TAF1D: variants seen among roughly 807,000 people sequenced by gnomAD.
The protein encoded by TAF1D is TATA box-binding protein-associated factor RNA polymerase I subunit D.
Under a neutral mutation model 26.2 loss-of-function variants are expected in TAF1D, and 23 were observed. The observed-to-expected ratio is 0.88, with a 90% CI of 0.63 to 1.25. TAF1D has a LOEUF of 1.25. Among genes scored for constraint, TAF1D ranks in the 50% most tolerant of loss-of-function variants. TAF1D has a pLI of 0.00. For synonymous variants in TAF1D, 100 were observed against 105.6 expected, an observed-to-expected ratio of 0.95 and a Z score of 0.33; for missense variants, 299 against 322.0, an observed-to-expected ratio of 0.93 and a Z score of 0.55.
At chr11:93,735,008 C>T (rs1940397561), downstream of TAF1D, 1 of 1,225,960 alleles carries the variant, frequency 8.2e-7, no homozygotes, top group Non-Finnish European at 1.0e-6. Context: ...AAGCAATACT[C>T]CCACCTTGGT....
At chr11:93,735,041 A>G (rs1380746159), downstream of TAF1D, 4 of 1,272,104 alleles carry the variant, frequency 3.1e-6, no homozygotes, top group East Asian at 1.9e-4. Flanking sequence ...GGCTTGACCC[A>G]TTGCACCTGG....
chr11:93,733,610 G>A (rs750488686), downstream of TAF1D: 12 of 502,676 alleles, frequency 2.4e-5, no homozygotes, highest in East Asian at 2.2e-4. Flanking sequence ...CTATTTACAA[G>A]GTTTTGATTT....
rs913992945 is a variant in TAF1D at position 93,735,676 on chromosome 11, T to C, written c.*485A>G. 2.5e-5 allele frequency: 25 copies of C among 999,442 alleles called. No homozygotes were observed. Among genetic ancestry groups the C allele is most frequent in the African/African-American group, 3.5e-5 (2 of 57,184 alleles). The allele number at this position is 999,442 out of a possible 1,614,324, so 61.9% of individuals were successfully genotyped here. ...AGATCGAGACTCTGTCTAAAAAAAA[T>C]AGTATTAAAGATACTCTAAATTTGG... On this transcript the variant is annotated 3_prime_UTR_variant, in exon 6 of 6. Transcript: ENST00000448108.
Position 93,736,717 on chromosome 11 carries a change from T to C in TAF1D, c.670A>G (p.Asn224Asp), listed in dbSNP as rs748885814. Residue 224 changes from asparagine to aspartate, a missense_variant, in exon 5 of 6, where the codon AAC becomes GAC. Physicochemically the swap from Asn to Asp is conservative, Grantham distance 23. Coordinates refer to ENST00000448108, the MANE Select transcript of TAF1D (RefSeq NM_024116.4). Reference sequence around the variant, plus strand: ...ACTGCCAATTTGATATCACATTCGTTATCTTCAAGATGTGTTGCATCCTCA... The same window carrying C: ...ACTGCCAATTTGATATCACATTCGTCATCTTCAAGATGTGTTGCATCCTCA... The part of the protein sequence containing the change: ...EDEDATHLED[N>D]ECDIKLAGDS... 6.2e-7 allele frequency: 1 copy of C among 1,611,632 alleles called. No homozygotes were observed. Among genetic ancestry groups the C allele is most frequent in the South Asian group, 1.1e-5 (1 of 90,380 alleles).
At chr11:93,739,031 G>A (rs569712642) in intron 2 of TAF1D, 8 of 544,718 alleles carry the variant, frequency 1.5e-5, no homozygotes, top group East Asian at 1.2e-4. Flanking sequence ...TTTTCTCGAC[G>A]AATGTGTCCC....
intron 1 of TAF1D, among the ~76,000 whole-genome samples, chr11:93,740,543 G>T (rs1223180950): frequency 7.0e-6 from 1 of 143,600 alleles, no homozygotes; most frequent in African/African-American, 2.6e-5. Context: ...GTCTCATTCT[G>T]TAGCTTCTTG....
intron 4 of TAF1D, 145 bp from the exon 5 acceptor site, chr11:93,736,896 G>A (rs1940915831): frequency 9.0e-7 from 1 of 1,110,866 alleles, no homozygotes; most frequent in South Asian, 1.7e-5. Context: ...GAGAATTCTA[G>A]ATGAACGGTG....
downstream of TAF1D, chr11:93,734,058 G>A (rs1328722836): frequency 6.6e-6 from 1 of 152,458 alleles, no homozygotes; most frequent in Non-Finnish European, 1.5e-5. Context: ...TAAGATTTAA[G>A]TTTAAAGTCT....
chr11:93,732,346 AGAAACCTAC>A (rs771007709), downstream of TAF1D: 231 of 518,174 alleles, frequency 4.5e-4, 2 homozygotes, highest in South Asian at 3.2e-3. Flanking sequence ...GAACACTCTG[AGAAACCTAC>A]ACAAATACTG....
chr11:93,740,793 A>C (rs184824496), intron 1 of TAF1D, among the ~76,000 whole-genome samples: 214 of 152,342 alleles, frequency 1.4e-3, no homozygotes, highest in Non-Finnish European at 2.5e-3. Flanking sequence ...ACCTGTAGTT[A>C]ATTTTTTTTA....
intron 3 of TAF1D, 119 bp from the exon 4 acceptor site, chr11:93,737,358 T>C: frequency 3.3e-6 from 2 of 607,006 alleles, no homozygotes; most frequent in East Asian, 5.8e-5. Context: ...CTATCTTAAC[T>C]ACTCCCCACT....
chr11:93,731,395 T>G (rs1388746871), downstream of TAF1D: 10 of 456,564 alleles, frequency 2.2e-5, no homozygotes, highest in Non-Finnish European at 3.1e-5. Flanking sequence ...AAATCAATGA[T>G]CCCATGCCCA....
rs370053920 is a variant in TAF1D at position 93,741,379 on chromosome 11, G to T, written c.-85C>A. ...ACTTGCTGCTTGTAACCCAGGCCTC[G>T]GCCCAAAACCCGCGACTGGCCTGGT... On this transcript the variant is annotated 5_prime_UTR_variant, in exon 1 of 6. Coordinates refer to ENST00000448108, the MANE Select transcript of TAF1D (RefSeq NM_024116.4). 8 of 431,894 alleles carry T rather than the reference G, an allele frequency of 1.9e-5. No individual in the cohort carries two copies. The highest frequency in any genetic ancestry group is 3.7e-5 in the Non-Finnish European group (8 of 218,510). 26.8% of individuals were successfully genotyped at this position (431,894 alleles called of 1,614,324 possible).
chr11:93,731,627 T>C, downstream of TAF1D: 1 of 508,456 alleles, frequency 2.0e-6, no homozygotes, highest in Non-Finnish European at 3.9e-6. Context: ...TTTTTTTTAC[T>C]CCTAAGTGGT....
Position 93,738,101 on chromosome 11 carries a change from T to C in TAF1D, c.459+8A>G. ...ATGTGTAGCCATGTATGTAAAATGC[T>C]GACTCACCTCAAACGTTAAAATTTT... On this transcript the variant is annotated splice_region_variant and intron_variant, in intron 3 of 5. Transcript: ENST00000448108. 6.5e-7 allele frequency: 1 copy of C among 1,541,710 alleles called. No homozygotes were observed.
At chr11:93,732,256 G>A (rs1251316458), downstream of TAF1D, 1 of 479,940 alleles carries the variant, frequency 2.1e-6, no homozygotes, top group African/African-American at 2.0e-5. Flanking sequence ...TTTTACTGTA[G>A]GTGGTGGGGA....
downstream of TAF1D, chr11:93,735,491 T>G: frequency 2.5e-6 from 1 of 405,022 alleles, no homozygotes; most frequent in Non-Finnish European, 3.4e-6. Flanking sequence ...GAGACCATGG[T>G]GAAAGCCTGT....
At chr11:93,732,025 C>T (rs773263699), downstream of TAF1D, 29 of 518,016 alleles carry the variant, frequency 5.6e-5, no homozygotes, top group Non-Finnish European at 9.6e-5. Flanking sequence ...GTCTCATTGT[C>T]ACCACTGCAA....
downstream of TAF1D, chr11:93,730,799 C>T (rs1938502688): frequency 2.5e-6 from 1 of 407,808 alleles, no homozygotes. Flanking sequence ...TAGAACGAGC[C>T]TGAGTTAACT....
Sources: gnomAD v4.1 joint callset for allele counts (sites outside exome capture counted in the v4.1 genomes callset) on GRCh38, gnomAD v4.1.1 for gene constraint, MANE v1.5 for transcripts, NCBI Gene and HGNC (gene_info 2026-07-23, HGNC 2026-07-21) for gene names.